AMPD3: variants seen among roughly 807,000 people sequenced by gnomAD.
AMPD3 encodes AMP deaminase 3.
In AMPD3, 57 loss-of-function variants were observed where a neutral mutation model predicts 82.3. The ratio of observed to expected loss-of-function variants is 0.69; its 90% CI spans 0.56 to 0.86. AMPD3 has a LOEUF of 0.86. Ranked by LOEUF, AMPD3 falls within the 40% of genes least tolerant of loss-of-function variation. The pLI, the probability that AMPD3 is intolerant of heterozygous loss-of-function variation, is 0.00. For synonymous variants in AMPD3, 381 were observed against 394.7 expected, an observed-to-expected ratio of 0.97 and a Z score of 0.41; for missense variants, 870 against 1,003.8, an observed-to-expected ratio of 0.87 and a Z score of 1.80.
At chr11:10,494,372 T>C (rs1187582359) in intron 7 of AMPD3, 6 of 179,936 alleles carry the variant, frequency 3.3e-5, no homozygotes, top group Admixed American at 6.5e-5. Flanking sequence ...TAGAGTTTGT[T>C]TGGGATGATA....
intron 4 of AMPD3, among the ~76,000 whole-genome samples, chr11:10,483,745 C>T (rs1393911179): frequency 6.6e-6 from 1 of 152,258 alleles, no homozygotes; most frequent in Admixed American, 6.5e-5. Context: ...ATCAGCCCCT[C>T]TGTGGCTCCT....
rs1849617847 is a variant in AMPD3 at position 10,502,875 on chromosome 11, TG to T, written c.1998del (p.Met666IlefsTer23). On this transcript the variant is annotated frameshift_variant, in exon 13 of 15. Transcript: ENST00000396553. LOFTEE classifies it high-confidence loss of function. ...LHVSLSTDDP[M>X]QFHYTKEALM... is the part of the protein sequence containing the mutation. ...GTTTCTCTTTCCACCGATGACCCCA[TG>T]CAGTTCCACTACACGAAGGTAAGGA... 5 of 1,614,040 alleles carry T rather than the reference TG, an allele frequency of 3.1e-6. No homozygotes were observed. The highest frequency in any genetic ancestry group is 4.2e-6 in the Non-Finnish European group (5 of 1,180,022).
intron 12 of AMPD3, chr11:10,502,188 G>A (rs1048442669): frequency 1.0e-6 from 1 of 985,256 alleles, no homozygotes; most frequent in African/African-American, 1.7e-5. Flanking sequence ...CCCTGATCCC[G>A]GTGAGGTGTA....
chr11:10,497,819 T>C, intron 10 of AMPD3: 1 of 985,360 alleles, frequency 1.0e-6, no homozygotes, highest in Non-Finnish European at 1.2e-6. Context: ...TGCTTCTGCC[T>C]GGCCTGGTCA....
Position 10,460,101 on chromosome 11 carries a change from T to A in AMPD3, c.-5-1414T>A, listed in dbSNP as rs192672091. On this transcript the variant is annotated intron_variant, in intron 1 of 14. Transcript: ENST00000396553. Reference sequence around the variant, plus strand: ...ATATATTTTATATATATATATATATTTTATTTTTAAAATTGAGACGAGGTC... The same window carrying A: ...ATATATTTTATATATATATATATATATTATTTTTAAAATTGAGACGAGGTC... Among the ~76,000 whole-genome samples the A allele has an allele frequency of 7.6e-3, 1,113 of 146,202 alleles. 18 individuals carry two copies. The highest frequency in any genetic ancestry group is 0.026 in the African/African-American group (1,053 of 39,918).
In AMPD3 at chr11:10,484,994, C is replaced by A; in HGVS notation, c.764C>A (p.Thr255Lys). The change falls in exon 5 of 15, where the codon ACG becomes AAG. Residue 255 changes from threonine to lysine, a missense_variant. Physicochemically the swap from Thr to Lys is moderately conservative, Grantham distance 78 (BLOSUM62 -1). Coordinates refer to ENST00000396553, the MANE Select transcript of AMPD3 (RefSeq NM_001025389.2). ...SLPYPDLETYTVDMSHILALI... is the reference protein window; with the variant it reads ...SLPYPDLETYKVDMSHILALI... ...CCCTACCCCGACCTGGAGACCTACA[C>A]GGTGGACATGAGCCACATCCTGGCT... 1 of 1,614,038 alleles carries A rather than the reference C, an allele frequency of 6.2e-7. No homozygotes were observed. The highest frequency in any genetic ancestry group is 1.7e-4 in the Middle Eastern group (1 of 5,960).
chr11:10,472,152 A>G (rs1221885737), intron 2 of AMPD3, among the ~76,000 whole-genome samples: 1 of 152,240 alleles, frequency 6.6e-6, no homozygotes, highest in South Asian at 2.1e-4. Context: ...AGGGACATGG[A>G]TGAAGCTAGA....
In AMPD3 at chr11:10,506,297, C is replaced by A; in HGVS notation, c.*413C>A. Reference sequence around the variant, plus strand: ...TTCATTTCAGCCTCTGGATGGCTGGCTGCCTTAAACACAATCAATTTCAAA... The same window carrying A: ...TTCATTTCAGCCTCTGGATGGCTGGATGCCTTAAACACAATCAATTTCAAA... On this transcript the variant is annotated 3_prime_UTR_variant, in exon 15 of 15. Coordinates refer to ENST00000396553, the MANE Select transcript of AMPD3 (RefSeq NM_001025389.2). The surrounding 1 kb of genome is among the most constrained non-coding windows in gnomAD (Gnocchi z 4.1). 1 of 228,484 alleles carries A rather than the reference C, an allele frequency of 4.4e-6. No homozygotes were observed. Among genetic ancestry groups the A allele is most frequent in the Non-Finnish European group, 8.9e-6 (1 of 112,702 alleles). 14.2% of individuals were successfully genotyped at this position (228,484 alleles called of 1,614,324 possible).
intron 1 of AMPD3, 107 bp from the exon 2 acceptor site, chr11:10,461,407 GC>G (rs776533422): frequency 1.2e-6 from 2 of 1,603,010 alleles, no homozygotes; most frequent in South Asian, 2.2e-5. Flanking sequence ...TAAGTAGACA[GC>G]TGACCCCAAG....
chr11:10,495,072 C>G lies in AMPD3; in HGVS notation c.1266+42C>G, dbSNP rs767271290. On this transcript the variant is annotated intron_variant, in intron 8 of 14. Coordinates refer to ENST00000396553, the MANE Select transcript of AMPD3 (RefSeq NM_001025389.2). ...TCTCTCTGAGGCCTCTCAGGTGCCT[C>G]CCAACATCTGCCTTCAGAGAGTGGG... The G allele has an allele frequency of 1.2e-5, 19 of 1,613,632 alleles. No individual in the cohort carries two copies. In the Admixed American group the frequency reaches 3.2e-4, roughly 27 times the overall value.
At chr11:10,473,519 A>T (rs1848652145) in intron 2 of AMPD3, 9 of 985,234 alleles carry the variant, frequency 9.1e-6, no homozygotes, top group Non-Finnish European at 9.6e-6. Flanking sequence ...TCAGGGAGAG[A>T]CAGAGGGTGG....
intron 2 of AMPD3, among the ~76,000 whole-genome samples, chr11:10,471,618 C>T (rs1305347689): frequency 6.6e-6 from 1 of 152,072 alleles, no homozygotes; most frequent in Admixed American, 6.6e-5. Flanking sequence ...AAAACAACCC[C>T]ATCAAAAAGT....
intron 7 of AMPD3, 158 bp downstream of exon 7, chr11:10,493,701 A>C: frequency 1.2e-6 from 1 of 859,290 alleles, no homozygotes; most frequent in Non-Finnish European, 1.9e-6. Context: ...AGAGAATAAC[A>C]GGTCTGGGGC....
At position 10,478,613 on chromosome 11, in the gene AMPD3, T is replaced by G; in HGVS notation, c.309T>G (p.Ser103Arg). ...ATTGGAAGGGCCCCCCGGCAGCCAG[T>G]CCGGCCATGTCTCCCACAACCCCTG... ...QQDWKGPPAA[S>R]PAMSPTTPVV... Residue 103 changes from serine to arginine, a missense_variant, in exon 3 of 15, where the codon AGT becomes AGG. Transcript: ENST00000396553. 6.2e-7 allele frequency: 1 copy of G among 1,614,214 alleles called. No individual in the cohort carries two copies. The highest frequency in any genetic ancestry group is 8.5e-7 in the Non-Finnish European group (1 of 1,180,038).
chr11:10,503,931 G>A (rs1454100291), intron 13 of AMPD3: 1 of 985,218 alleles, frequency 1.0e-6, no homozygotes, highest in African/African-American at 1.7e-5. Context: ...CTAGGCTACA[G>A]CGGCAGTGGG....
chr11:10,460,801 C>T, intron 1 of AMPD3: 1 of 789,260 alleles, frequency 1.3e-6, no homozygotes, highest in Non-Finnish European at 1.5e-6. Context: ...GAAACCCAAC[C>T]AACCAAGCAG....
chr11:10,452,320 C>T (rs150847244), upstream of AMPD3, among the ~76,000 whole-genome samples: 75 of 152,256 alleles, frequency 4.9e-4, no homozygotes, highest in Non-Finnish European at 9.9e-4. Flanking sequence ...CCTAAAGCTG[C>T]CCATTGGCCT....
In AMPD3 at chr11:10,502,803, A is replaced by C. The variant is rs1420702644; in HGVS notation, c.1925A>C (p.Glu642Ala). Residue 642 changes from glutamate to alanine, a missense_variant, in exon 13 of 15, where the codon GAA becomes GCA. Coordinates refer to ENST00000396553, the MANE Select transcript of AMPD3 (RefSeq NM_001025389.2). ...CTTAGCAACAACAGTTTGTTCCTCG[A>C]ATATTCCAAGAACCCTCTGAGGGAA... ...SPLSNNSLFL[E>A]YSKNPLREFL... 1.9e-6 allele frequency: 3 copies of C among 1,614,042 alleles called. No homozygotes were observed. Among genetic ancestry groups the C allele is most frequent in the African/African-American group, 2.7e-5 (2 of 74,924 alleles).
intron 1 of AMPD3, among the ~76,000 whole-genome samples, chr11:10,459,063 C>T (rs1264888437): frequency 6.6e-6 from 1 of 152,134 alleles, no homozygotes; most frequent in Non-Finnish European, 1.5e-5. Flanking sequence ...AGCTTCCCCC[C>T]TCTCTGCTAT....
Sources: allele counts gnomAD v4.1 joint callset (sites outside exome capture counted in the v4.1 genomes callset), GRCh38; gene constraint gnomAD v4.1.1; non-coding constraint Gnocchi (gnomAD v3.1); transcripts MANE v1.5; gene names NCBI Gene and HGNC (gene_info 2026-07-23, HGNC 2026-07-21).